Variants in METTL16 observed in about 807,000 individuals in gnomAD.
The protein encoded by METTL16 is methyltransferase 16, RNA N6-adenosine.
A neutral mutation model predicts 57.9 loss-of-function variants in METTL16; 19 were observed. The ratio of observed to expected loss-of-function variants is 0.33; its 90% CI spans 0.23 to 0.48. The LOEUF (loss-of-function observed/expected upper bound fraction) is 0.48. Ranked by LOEUF, METTL16 falls within the 20% of genes least tolerant of loss-of-function variation. The pLI is 0.99. For missense variants in METTL16, 434 were observed against 691.5 expected, an observed-to-expected ratio of 0.63 and a Z score of 4.18; for synonymous variants, 246 against 255.6, an observed-to-expected ratio of 0.96 and a Z score of 0.36.
intron 6 of METTL16, among the ~76,000 whole-genome samples, chr17:2,462,509 A>G (rs1294558221): frequency 6.6e-6 from 1 of 152,138 alleles, no homozygotes; most frequent in African/African-American, 2.4e-5. Context: ...TGTAATCTCT[A>G]GTGTTGGCGA....
At chr17:2,438,918 ACAATTTACC>A (rs2066927552) in intron 7 of METTL16, among the ~76,000 whole-genome samples, 1 of 152,202 alleles carries the variant, frequency 6.6e-6, no homozygotes, top group South Asian at 2.1e-4. Context: ...TGTAGCTCTC[ACAATTTACC>A]CAAGAAATGG....
chr17:2,454,381 A>C (rs923287220), intron 6 of METTL16, among the ~76,000 whole-genome samples: 2 of 152,156 alleles, frequency 1.3e-5, no homozygotes, highest in Non-Finnish European at 2.9e-5. Context: ...ATAAATTACC[A>C]GAACAAATGC....
rs1286388186 is a variant in METTL16 at position 2,419,938 on chromosome 17, T to C, written c.*32A>G. 18 of 1,607,792 alleles carry C rather than the reference T, an allele frequency of 1.1e-5. No individual in the cohort carries two copies. The highest frequency in any genetic ancestry group is 1.5e-5 in the Non-Finnish European group (18 of 1,175,808). ...CACAGGCCACTCCAAAGCAAGTTAC[T>C]ATCAACACGTTTCCAACTGTGCAGG... On this transcript the variant is annotated 3_prime_UTR_variant, in exon 10 of 10. Coordinates refer to ENST00000263092, the MANE Select transcript of METTL16 (RefSeq NM_024086.4).
At chr17:2,473,283 A>G (rs973429745) in intron 4 of METTL16, among the ~76,000 whole-genome samples, 2 of 152,244 alleles carry the variant, frequency 1.3e-5, no homozygotes, top group African/African-American at 4.8e-5. Flanking sequence ...GAATGGATAA[A>G]TAAATAAATT....
chr17:2,464,925 A>G lies in METTL16; in HGVS notation c.586-575T>C, dbSNP rs186437262. Among the ~76,000 whole-genome samples, 21 of 152,348 alleles carry G rather than the reference A, an allele frequency of 1.4e-4. 1 individual carries two copies. Among genetic ancestry groups the G allele is most frequent in the Admixed American group, 1.0e-3 (16 of 15,292 alleles). On this transcript the variant is annotated intron_variant, in intron 5 of 9. Transcript: ENST00000263092. ...ATAAGCAACAAAAGAAAACAGATAA[A>G]TTGGACTTCATCCGAATTAAAAACT...
chr17:2,491,007 T>C (rs981184022), intron 2 of METTL16, among the ~76,000 whole-genome samples: 1 of 152,206 alleles, frequency 6.6e-6, no homozygotes, highest in Non-Finnish European at 1.5e-5. Flanking sequence ...TTGTTTATTT[T>C]CTTTTCTGAA....
At chr17:2,464,462 A>G in intron 5 of METTL16, 112 bp from the exon 6 acceptor site, 1 of 999,180 alleles carries the variant, frequency 1.0e-6, no homozygotes, top group Non-Finnish European at 1.4e-6. Flanking sequence ...CTTTCCAAAT[A>G]GTATGCTAGA....
chr17:2,442,835 C>CTTT (rs56689043), intron 6 of METTL16, among the ~76,000 whole-genome samples: 1 of 147,144 alleles, frequency 6.8e-6, no homozygotes, highest in African/African-American at 2.5e-5. Flanking sequence ...TTCAATAGTT[C>CTTT]TTTTTTTTTT....
intron 2 of METTL16, among the ~76,000 whole-genome samples, chr17:2,490,731 C>G (rs943419552): frequency 2.6e-5 from 4 of 152,134 alleles, no homozygotes; most frequent in Non-Finnish European, 5.9e-5. Context: ...AGCTGTAGGG[C>G]TCATCATAAA....
chr17:2,426,332 C>T (rs556467332), intron 8 of METTL16, among the ~76,000 whole-genome samples: 1 of 152,186 alleles, frequency 6.6e-6, no homozygotes, highest in Non-Finnish European at 1.5e-5. Flanking sequence ...GCTGCAACTA[C>T]AGGTGCACAT....
intron 2 of METTL16, among the ~76,000 whole-genome samples, chr17:2,481,390 A>G (rs1189945319): frequency 6.6e-6 from 1 of 152,138 alleles, no homozygotes; most frequent in Non-Finnish European, 1.5e-5. Flanking sequence ...GACCAAAGTT[A>G]ATACCCCTAA....
In METTL16 at chr17:2,420,659, T is replaced by TAAA; in HGVS notation, c.1063-66_1063-64dup. ...GTTTCCCCTCTCTCCAAACTCTCAATAAAAAAAAAAAGAAAAAAGAAAAAA... is the reference window on the plus strand; with the variant it reads ...GTTTCCCCTCTCTCCAAACTCTCAATAAAAAAAAAAAAAAGAAAAAAGAAAAAA... On this transcript the variant is annotated intron_variant, in intron 9 of 9. Coordinates refer to ENST00000263092, the MANE Select transcript of METTL16 (RefSeq NM_024086.4). This position sits in a 1 kb window ranked among gnomAD's most constrained non-coding sequence, Gnocchi z 5.4. The TAAA allele has an allele frequency of 3.9e-6, 5 of 1,270,466 alleles. No individual in the cohort carries two copies. Among genetic ancestry groups the TAAA allele is most frequent in the Admixed American group, 2.5e-5 (1 of 40,678 alleles). The allele number at this position is 1,270,466 out of a possible 1,614,324, so 78.7% of individuals were successfully genotyped here. A position where few individuals can be genotyped will look rare whatever the true frequency, so the allele number is the denominator to read the frequency against.
intron 6 of METTL16, among the ~76,000 whole-genome samples, chr17:2,444,604 GTGATGTTCTAGGCCT>G (rs1215725592): frequency 6.6e-6 from 1 of 152,088 alleles, no homozygotes; most frequent in African/African-American, 2.4e-5. Context: ...ATACTATACA[GTGATGTTCTAGGCCT>G]TCATATTCGC....
intron 2 of METTL16, among the ~76,000 whole-genome samples, chr17:2,488,175 G>A (rs932811053): frequency 3.3e-5 from 5 of 152,108 alleles, no homozygotes; most frequent in Non-Finnish European, 5.9e-5. Context: ...GCCAAGAGGT[G>A]AAAGCAACCT....
intron 6 of METTL16, chr17:2,459,979 C>A (rs2151561267): frequency 6.6e-6 from 1 of 152,232 alleles, no homozygotes; most frequent in Admixed American, 6.5e-5. Flanking sequence ...CCAGCCTGGG[C>A]AACAAGAGCA....
intron 6 of METTL16, among the ~76,000 whole-genome samples, chr17:2,448,802 TAAAAA>T (rs71150866): frequency 6.9e-5 from 3 of 43,642 alleles, no homozygotes; most frequent in African/African-American, 1.3e-4. Context: ...AAATAAAATT[TAAAAA>T]AAAAAAAAAA....
rs748178980 is a variant in METTL16, at chr17:2,420,847, C to A, written c.946G>T (p.Val316Leu). ...AATTCCTTCATCACGGACGCCAGCA[C>A]CACGAATGTTATGGGTTTTCTCGGT... ...EKPRKPITFV[V>L]LASVMKELSL... The change falls in exon 9 of 10, where the codon GTG becomes TTG. Residue 316 changes from valine to leucine, a missense_variant. Val to Leu is a conservative substitution (Grantham distance 32, BLOSUM62 1). This residue lies in a region of METTL16 where 96 missense variants were observed against 138.3 expected (regional missense o/e 0.69). Transcript: ENST00000263092. This position sits in a 1 kb window ranked among gnomAD's most constrained non-coding sequence, Gnocchi z 5.4. The A allele has an allele frequency of 6.2e-7, 1 of 1,614,142 alleles. No homozygotes were observed. Among genetic ancestry groups the A allele is most frequent in the Non-Finnish European group, 8.5e-7 (1 of 1,180,034 alleles).
intron 6 of METTL16, among the ~76,000 whole-genome samples, chr17:2,456,279 G>A (rs578159407): frequency 6.4e-4 from 97 of 152,088 alleles, no homozygotes; most frequent in African/African-American, 2.2e-3. Flanking sequence ...CACCTTTACT[G>A]ACTGACAACC....
In METTL16 at chr17:2,461,038, A is replaced by G. The variant is rs375047321; in HGVS notation, c.728+3170T>C. Among the ~76,000 whole-genome samples, 3 of 152,094 alleles carry G rather than the reference A, an allele frequency of 2.0e-5. No individual in the cohort carries two copies. The East Asian group carries it at 5.8e-4, about 29-fold the overall frequency. ...ATAATTTTAGTCTATTTCTTCTTCA[A>G]GATAGTCTAATGTGTCTAAATAAGT... On this transcript the variant is annotated intron_variant, in intron 6 of 9. Transcript: ENST00000263092.
Sources: gnomAD v4.1 joint callset for allele counts (sites outside exome capture counted in the v4.1 genomes callset) on GRCh38, gnomAD v4.1.1 for gene constraint, gnomAD v4.1.1 regional missense constraint, Gnocchi (gnomAD v3.1) non-coding constraint, MANE v1.5 for transcripts, NCBI Gene and HGNC (gene_info 2026-07-23, HGNC 2026-07-21) for gene names.